The following PRELID2 variants were observed in gnomAD, a reference collection of about 807,000 sequenced individuals.
The protein encoded by PRELID2 is PRELI domain containing 2, also known as PRELI domain-containing protein 2.
PRELID2 carries 25 observed loss-of-function variants against 28.4 expected under a neutral mutation model. The observed-to-expected ratio is 0.88, with a 90% CI of 0.64 to 1.23. The LOEUF (loss-of-function observed/expected upper bound fraction) is 1.23, where lower values mean the gene tolerates loss of function less well. Ranked by LOEUF, PRELID2 falls within the 50% of genes most tolerant of loss-of-function variation. PRELID2 has a pLI of 0.00. For synonymous variants in PRELID2, 76 were observed against 71.6 expected (o/e 1.06, Z -0.31); for missense variants, 201 against 214.4 (o/e 0.94, Z 0.39).
chr5:145,695,556 G>A (rs1216409850), intron 1 of PRELID2, among the ~76,000 whole-genome samples: 1 of 152,066 alleles, frequency 6.6e-6, no homozygotes, highest in Non-Finnish European at 1.5e-5. Flanking sequence ...CATCACCCTT[G>A]CCCAGGAGAA....
At chr5:145,415,328 A>T in the PRELID2 span, among the ~76,000 whole-genome samples, 1 of 151,446 alleles carries the variant, frequency 6.6e-6, no homozygotes, top group African/African-American at 2.4e-5. Context: ...CATGTGCACA[A>T]TGTGCAGGTT....
intron 1 of PRELID2, among the ~76,000 whole-genome samples, chr5:145,625,830 A>G (rs1477336771): frequency 6.6e-6 from 1 of 152,186 alleles, no homozygotes; most frequent in African/African-American, 2.4e-5. Flanking sequence ...AATGTACTAT[A>G]ATTCTTGACT....
At chr5:145,636,826 C>T (rs757669937) in intron 1 of PRELID2, among the ~76,000 whole-genome samples, 12 of 152,208 alleles carry the variant, frequency 7.9e-5, no homozygotes, top group Non-Finnish European at 1.2e-4. Context: ...AGTGATCAAA[C>T]CGTAGCCTTA....
intron 1 of PRELID2, among the ~76,000 whole-genome samples, chr5:145,533,543 G>T (rs1276798954): frequency 6.6e-6 from 1 of 152,012 alleles, no homozygotes; most frequent in African/African-American, 2.4e-5. Context: ...TGTTTTGTGT[G>T]CATTATCTCA....
intron 5 of PRELID2, among the ~76,000 whole-genome samples, chr5:145,788,090 A>G (rs1031876130): frequency 1.3e-5 from 2 of 152,154 alleles, no homozygotes; most frequent in African/African-American, 2.4e-5. Context: ...CTGAGGTCTG[A>G]GATCATGACT....
intron 4 of PRELID2, among the ~76,000 whole-genome samples, chr5:145,811,668 A>C (rs1753950283): frequency 6.6e-6 from 1 of 152,160 alleles, no homozygotes; most frequent in Non-Finnish European, 1.5e-5. Flanking sequence ...GCCTGGAGGG[A>C]GTCAGGTTGG....
intron 4 of PRELID2, among the ~76,000 whole-genome samples, chr5:145,816,800 A>T (rs1216528919): frequency 6.6e-6 from 1 of 152,176 alleles, no homozygotes; most frequent in African/African-American, 2.4e-5. Context: ...AAACTCAAAG[A>T]ACTATACACT....
chr5:145,612,955 T>G (rs1753639719), intron 1 of PRELID2, among the ~76,000 whole-genome samples: 1 of 152,172 alleles, frequency 6.6e-6, no homozygotes, highest in Admixed American at 6.5e-5. Context: ...TATTTTCCCC[T>G]GGGCAGATAC....
At chr5:145,251,370 G>GGCCATGA in the PRELID2 span, among the ~76,000 whole-genome samples, 273 of 152,186 alleles carry the variant, frequency 1.8e-3, no homozygotes, top group African/African-American at 6.3e-3. Context: ...TTTTTAAGTG[G>GGCCATGA]GCCATGAGCC....
At chr5:145,790,472 T>C (rs1256238324) in intron 5 of PRELID2, among the ~76,000 whole-genome samples, 1 of 151,944 alleles carries the variant, frequency 6.6e-6, no homozygotes, top group Admixed American at 6.6e-5. Context: ...TATCTGAGGC[T>C]GGGGGAGGTG....
At chr5:145,317,382 T>G in the PRELID2 span, among the ~76,000 whole-genome samples, 1 of 152,182 alleles carries the variant, frequency 6.6e-6, no homozygotes, top group African/African-American at 2.4e-5. Context: ...AGAAAGCTGT[T>G]GAATAAGAAC....
chr5:145,387,285 G>T, the PRELID2 span, among the ~76,000 whole-genome samples: 1 of 149,570 alleles, frequency 6.7e-6, no homozygotes, highest in African/African-American at 2.4e-5. Flanking sequence ...AATTACATAT[G>T]CATAGTAGGG....
At chr5:145,622,705 C>A (rs751976096) in intron 1 of PRELID2, among the ~76,000 whole-genome samples, 1 of 151,656 alleles carries the variant, frequency 6.6e-6, no homozygotes, top group East Asian at 1.9e-4. Context: ...TAGAAAGTTT[C>A]AAAAGTAACT....
At chr5:145,524,201 G>T (rs1012202349) in intron 1 of PRELID2, among the ~76,000 whole-genome samples, 1 of 152,180 alleles carries the variant, frequency 6.6e-6, no homozygotes, top group Non-Finnish European at 1.5e-5. Context: ...TAGGGACTGG[G>T]CAGAGTCGCA....
At chr5:145,728,522 A>C in intron 1 of PRELID2, 3 of 735,570 alleles carry the variant, frequency 4.1e-6, no homozygotes, top group Admixed American at 3.8e-5. Context: ...TGGTCCTTGC[A>C]AATTTCTACT....
chr5:145,275,052 G>A, the PRELID2 span, among the ~76,000 whole-genome samples: 3 of 152,038 alleles, frequency 2.0e-5, no homozygotes, highest in Non-Finnish European at 2.9e-5. Flanking sequence ...TTGGATTAGG[G>A]CTCACCACAT....
chr5:145,582,248 G>C (rs1304309435), intron 1 of PRELID2, among the ~76,000 whole-genome samples: 1 of 152,016 alleles, frequency 6.6e-6, no homozygotes, highest in Non-Finnish European at 1.5e-5. Context: ...ATAAAGAAAA[G>C]AGGTTTATTG....
chr5:145,416,758 C>A, the PRELID2 span, among the ~76,000 whole-genome samples: 1 of 151,694 alleles, frequency 6.6e-6, no homozygotes, highest in Admixed American at 6.6e-5. Flanking sequence ...CAAACAAACC[C>A]CAAAGCTAGC....
rs374220348 is a variant in PRELID2, at chr5:145,830,176, T to C, written c.75+5001A>G. Among the ~76,000 whole-genome samples, 12 of 152,302 alleles carry C rather than the reference T, an allele frequency of 7.9e-5. 1 individual carries two copies. Among genetic ancestry groups the C allele is most frequent in the South Asian group, 4.1e-4 (2 of 4,820 alleles). On this transcript the variant is annotated intron_variant, in intron 1 of 6. Transcript: ENST00000683046. The stretch of plus-strand genomic sequence containing the variant: ...GTACCTACTATGTTCCAGGATCTCT[T>C]TGGGTAATTGGGATACATCAGAAAC...
Sources: gnomAD v4.1 joint callset for allele counts (sites outside exome capture counted in the v4.1 genomes callset) on GRCh38, gnomAD v4.1.1 for gene constraint, MANE v1.5 for transcripts, NCBI Gene and HGNC (gene_info 2026-07-23, HGNC 2026-07-21) for gene names.